Variants in SLC2A2 observed in about 807,000 individuals in gnomAD.
SLC2A2 encodes the protein solute carrier family 2 member 2.
In SLC2A2, 36 loss-of-function variants were observed where a neutral mutation model predicts 54.5. The ratio of observed to expected loss-of-function variants is 0.66; its 90% CI spans 0.51 to 0.87. The LOEUF (loss-of-function observed/expected upper bound fraction) is 0.87. Among genes scored for constraint, SLC2A2 ranks in the 40% least tolerant of loss-of-function variants. The pLI is 0.00. For synonymous variants in SLC2A2, 223 were observed against 219.1 expected, an observed-to-expected ratio of 1.02 and a Z score of -0.16; for missense variants, 543 against 624.3, an observed-to-expected ratio of 0.87 and a Z score of 1.39.
At chr3:171,009,052 T>G (rs994803527) in intron 4 of SLC2A2, among the ~76,000 whole-genome samples, 2 of 152,022 alleles carry the variant, frequency 1.3e-5, no homozygotes, top group African/African-American at 4.8e-5. Flanking sequence ...CCCATCCCCA[T>G]GGATAGAGGT....
At chr3:171,022,855 CCT>C (rs1370476103) in intron 1 of SLC2A2, among the ~76,000 whole-genome samples, 1 of 152,172 alleles carries the variant, frequency 6.6e-6, no homozygotes. Context: ...TTAGTTCACC[CCT>C]GTCACTTTAC....
intron 3 of SLC2A2, among the ~76,000 whole-genome samples, chr3:171,010,819 C>G (rs1237413544): frequency 2.0e-5 from 3 of 151,986 alleles, no homozygotes; most frequent in Non-Finnish European, 2.9e-5. Context: ...CTGACAATAG[C>G]AACAAAAACA....
chr3:171,011,519 T>C (rs1302573115), intron 3 of SLC2A2, among the ~76,000 whole-genome samples: 2 of 152,172 alleles, frequency 1.3e-5, no homozygotes, highest in Admixed American at 6.6e-5. Context: ...ATTTTGACTT[T>C]AGCTAACTAA....
At chr3:171,010,525 T>C (rs1239402794) in intron 3 of SLC2A2, among the ~76,000 whole-genome samples, 1 of 152,152 alleles carries the variant, frequency 6.6e-6, no homozygotes, top group African/African-American at 2.4e-5. Flanking sequence ...AAGTTTTCTC[T>C]AAGTTGATTG....
At chr3:171,020,147 A>G (rs1304815655) in intron 1 of SLC2A2, among the ~76,000 whole-genome samples, 1 of 152,132 alleles carries the variant, frequency 6.6e-6, no homozygotes, top group African/African-American at 2.4e-5. Flanking sequence ...GTGATAGTAA[A>G]TCTCCCTACC....
intron 5 of SLC2A2, among the ~76,000 whole-genome samples, chr3:171,006,876 C>G (rs1332677804): frequency 6.6e-6 from 1 of 152,026 alleles, no homozygotes; most frequent in East Asian, 1.9e-4. Flanking sequence ...CAGGTCACCT[C>G]CAGTGCTATC....
chr3:171,019,138 TA>T (rs1716332202), intron 1 of SLC2A2, among the ~76,000 whole-genome samples: 1 of 126,646 alleles, frequency 7.9e-6, no homozygotes, highest in African/African-American at 3.1e-5. Flanking sequence ...TGTATATATA[TA>T]TATATATATA....
chr3:171,014,801 G>T, intron 2 of SLC2A2, 70 bp from the exon 3 acceptor site: 1 of 1,259,672 alleles, frequency 7.9e-7, no homozygotes, highest in Non-Finnish European at 1.2e-6. Flanking sequence ...TCTTTAAAGT[G>T]TTTGTTACGT....
rs780965470 is a variant in SLC2A2, at chr3:171,006,037, C to T, written c.681G>A (p.Val227=). ...GTAGCAGAGACTGAAGGATGGCTCG[C>T]ACACCAGACAGGCCAAGCAGGATGT... ...LWHILLGLSG[V]RAILQSLLLF... The change falls in exon 6 of 11, where the codon GTG becomes GTA. Residue 227 remains valine (V), a synonymous_variant. Coordinates refer to ENST00000314251, the MANE Select transcript of SLC2A2 (RefSeq NM_000340.2). The T allele has an allele frequency of 1.2e-6, 2 of 1,612,660 alleles. No homozygotes were observed. The highest frequency in any genetic ancestry group is 1.7e-6 in the Non-Finnish European group (2 of 1,179,092).
intron 7 of SLC2A2, 128 bp downstream of exon 7, chr3:171,005,157 G>A (rs566239895): frequency 3.8e-5 from 30 of 797,066 alleles, no homozygotes; most frequent in African/African-American, 2.7e-4. Context: ...CTCAATGTAC[G>A]TTTGTTATAG....
chr3:171,001,689 C>G (rs1389706007), intron 8 of SLC2A2, among the ~76,000 whole-genome samples: 1 of 151,904 alleles, frequency 6.6e-6, no homozygotes, highest in African/African-American at 2.4e-5. Context: ...GACTCTCATT[C>G]TACAGTGAAT....
At chr3:171,022,751 C>A in intron 1 of SLC2A2, among the ~76,000 whole-genome samples, 1 of 152,168 alleles carries the variant, frequency 6.6e-6, no homozygotes. Context: ...AGAGTCCAAT[C>A]AGTAGCCATG....
intron 1 of SLC2A2, among the ~76,000 whole-genome samples, chr3:171,024,892 C>T (rs947122737): frequency 6.1e-4 from 93 of 151,946 alleles, no homozygotes; most frequent in African/African-American, 2.1e-3. Flanking sequence ...CATTGTTAGG[C>T]AGTTCCTTGG....
At chr3:171,022,908 A>G (rs1716527872) in intron 1 of SLC2A2, among the ~76,000 whole-genome samples, 1 of 152,218 alleles carries the variant, frequency 6.6e-6, no homozygotes, top group Non-Finnish European at 1.5e-5. Flanking sequence ...TACTTTGACA[A>G]AAATGAAAGC....
At chr3:171,022,282 G>A (rs7646014) in intron 1 of SLC2A2, among the ~76,000 whole-genome samples, 1 of 152,026 alleles carries the variant, frequency 6.6e-6, no homozygotes, top group African/African-American at 2.4e-5. Context: ...ATTCAAAAGC[G>A]AAGCACATCT....
intron 1 of SLC2A2, 137 bp from the exon 2 acceptor site, chr3:171,018,760 T>A (rs1716278376): frequency 1.4e-6 from 1 of 695,312 alleles, no homozygotes; most frequent in South Asian, 1.5e-5. Context: ...CAGTATGCCC[T>A]GTGCTCCAGG....
rs529786946 is a variant in SLC2A2 at position 171,015,921 on chromosome 3, A to G, written c.109-1190T>C. 4.6e-5 allele frequency among the ~76,000 whole-genome samples: 7 copies of G among 152,282 alleles called. No individual in the cohort carries two copies. In the South Asian group the frequency reaches 1.0e-3, roughly 23 times the overall value. On this transcript the variant is annotated intron_variant, in intron 2 of 10. Coordinates refer to ENST00000314251, the MANE Select transcript of SLC2A2 (RefSeq NM_000340.2). ...ATGCTTCATATAATTCAGATGAATT[A>G]TAGGACATGGGAGGAAGACGAGGCC...
intron 1 of SLC2A2, among the ~76,000 whole-genome samples, chr3:171,019,153 A>ATATC (rs1716334798): frequency 1.1e-5 from 1 of 90,824 alleles, no homozygotes; most frequent in Non-Finnish European, 2.1e-5. Flanking sequence ...ATATATATAT[A>ATATC]TACGTATGTA....
intron 7 of SLC2A2, among the ~76,000 whole-genome samples, chr3:171,003,001 A>C (rs971951074): frequency 6.6e-6 from 1 of 151,960 alleles, no homozygotes; most frequent in Non-Finnish European, 1.5e-5. Flanking sequence ...AGCTTAATTA[A>C]TTTTCACAAA....
Sources: gnomAD v4.1 joint callset for allele counts (sites outside exome capture counted in the v4.1 genomes callset) on GRCh38, gnomAD v4.1.1 for gene constraint, MANE v1.5 for transcripts, NCBI Gene and HGNC (gene_info 2026-07-23, HGNC 2026-07-21) for gene names.